The following GPHN variants were observed in gnomAD, a reference collection of about 807,000 sequenced individuals.
GPHN encodes the protein gephyrin.
GPHN carries 17 observed loss-of-function variants against 95.5 expected under a neutral mutation model. The observed-to-expected ratio is 0.18, with a 90% confidence interval of 0.12 to 0.27. The LOEUF (loss-of-function observed/expected upper bound fraction) is 0.27, where lower values mean the gene tolerates loss of function less well. Among genes scored for constraint, GPHN ranks in the 10% least tolerant of loss-of-function variants. The pLI is 1.00. For synonymous variants in GPHN, 320 were observed against 322.5 expected, an observed-to-expected ratio of 0.99 and a Z score of 0.08; for missense variants, 660 against 978.1, an observed-to-expected ratio of 0.67 and a Z score of 4.34.
the GPHN span, chr14:67,204,784 A>G: frequency 3.1e-6 from 5 of 1,613,874 alleles, no homozygotes; most frequent in South Asian, 2.2e-5. Flanking sequence ...CACAGGCTCC[A>G]TGGATGTGAC....
At chr14:67,494,926 A>G in the GPHN span, among the ~76,000 whole-genome samples, 208 of 152,368 alleles carry the variant, frequency 1.4e-3, no homozygotes, top group Non-Finnish European at 1.5e-3. Flanking sequence ...AGTCTGGGCA[A>G]CATAGTGAGA....
At chr14:67,703,185 A>G in the GPHN span, among the ~76,000 whole-genome samples, 3 of 152,290 alleles carry the variant, frequency 2.0e-5, no homozygotes, top group Non-Finnish European at 4.4e-5. Flanking sequence ...TTTATAAAAG[A>G]TAGTTGGATC....
the GPHN span, among the ~76,000 whole-genome samples, chr14:67,208,782 A>G: frequency 6.6e-6 from 1 of 152,064 alleles, no homozygotes; most frequent in Admixed American, 6.6e-5. Flanking sequence ...CTGTAATCCC[A>G]GCTACTCGGG....
the GPHN span, among the ~76,000 whole-genome samples, chr14:67,396,927 A>T: frequency 1.3e-5 from 2 of 151,980 alleles, no homozygotes; most frequent in African/African-American, 4.8e-5. Flanking sequence ...GCCCTTGATA[A>T]ATAATTTATT....
intron 1 of GPHN, among the ~76,000 whole-genome samples, chr14:66,514,153 T>C (rs888600951): frequency 2.6e-5 from 4 of 151,982 alleles, no homozygotes; most frequent in African/African-American, 9.7e-5. Flanking sequence ...TTTTACTTGA[T>C]GGTATTAATT....
Position 67,023,643 on chromosome 14 carries a change from G to C in GPHN, c.974G>C (p.Arg325Thr). 6.2e-7 allele frequency: 1 copy of C among 1,613,392 alleles called. No homozygotes were observed. Among genetic ancestry groups the C allele is most frequent in the Non-Finnish European group, 8.5e-7 (1 of 1,179,470 alleles). Residue 325 changes from arginine (R) to threonine (T), a missense_variant, in exon 10 of 23, where the codon AGG becomes ACG. By Grantham distance (71) the Arg-to-Thr change is moderately conservative. This residue lies in a region of GPHN where 190 missense variants were observed against 224.7 expected (regional missense o/e 0.85). Transcript: ENST00000478722. ...ASCPTPKVQS[R>T]CSSKENILRA... The stretch of plus-strand genomic sequence containing the variant: ...ATGCTCTTTCTACAGGTCCAGTCCA[G>C]GTGCAGCAGCAAGGAGAACATTCTC...
At chr14:67,645,679 C>A in the GPHN span, 1 of 1,613,912 alleles carries the variant, frequency 6.2e-7, no homozygotes, top group Non-Finnish European at 8.5e-7. Flanking sequence ...ATGCCCGACA[C>A]TGCCCAGACC....
At chr14:67,653,590 A>G in the GPHN span, 1 of 1,142,138 alleles carries the variant, frequency 8.8e-7, no homozygotes, top group African/African-American at 1.6e-5. Context: ...ATTAAGGGAT[A>G]TATGTTGAAA....
chr14:67,399,130 G>A, the GPHN span, among the ~76,000 whole-genome samples: 2 of 152,202 alleles, frequency 1.3e-5, no homozygotes, highest in African/African-American at 2.4e-5. Context: ...CAGTCTCCCA[G>A]TGCTAAGGAC....
At chr14:66,722,433 C>CTTTG (rs113721874) in intron 2 of GPHN, among the ~76,000 whole-genome samples, 49,900 of 151,486 alleles carry the variant, frequency 0.33, 12,119 homozygotes, top group African/African-American at 0.66. Flanking sequence ...AATACTAAGG[C>CTTTG]TTTGTTTGTT....
At chr14:67,557,433 G>A in the GPHN span, 9 of 1,609,894 alleles carry the variant, frequency 5.6e-6, no homozygotes, top group South Asian at 1.1e-5. Flanking sequence ...GGGCTCATGC[G>A]CAAGGGAGCA....
At chr14:67,463,788 G>C in the GPHN span, among the ~76,000 whole-genome samples, 8 of 152,108 alleles carry the variant, frequency 5.3e-5, no homozygotes, top group African/African-American at 1.9e-4. Context: ...CTACATCTGA[G>C]CTAAATACAC....
chr14:66,866,207 T>A (rs1414630512), intron 4 of GPHN, among the ~76,000 whole-genome samples: 1 of 152,152 alleles, frequency 6.6e-6, no homozygotes, highest in Admixed American at 6.6e-5. Flanking sequence ...TTAGATTTCC[T>A]GAACTTTTTT....
intron 10 of GPHN, among the ~76,000 whole-genome samples, chr14:67,043,122 G>A (rs1211882287): frequency 6.6e-6 from 1 of 151,650 alleles, no homozygotes; most frequent in African/African-American, 2.4e-5. Context: ...AGCTTAAGGA[G>A]ATTTTGGGCT....
chr14:67,424,834 C>T, the GPHN span, among the ~76,000 whole-genome samples: 1 of 152,164 alleles, frequency 6.6e-6, no homozygotes. Context: ...TGCTTCTACC[C>T]TGTGTCTGGA....
chr14:67,405,953 A>C, the GPHN span, among the ~76,000 whole-genome samples: 1 of 152,118 alleles, frequency 6.6e-6, no homozygotes, highest in Non-Finnish European at 1.5e-5. Flanking sequence ...TGAGATGACA[A>C]ATCTTGTTGT....
chr14:66,535,972 A>G (rs1026139763), intron 1 of GPHN, among the ~76,000 whole-genome samples: 5 of 152,202 alleles, frequency 3.3e-5, no homozygotes, highest in Non-Finnish European at 5.9e-5. Context: ...CAAGGCTTCT[A>G]GAACAATGTT....
intron 2 of GPHN, among the ~76,000 whole-genome samples, chr14:66,691,484 A>T (rs951457375): frequency 6.6e-6 from 1 of 152,130 alleles, no homozygotes; most frequent in African/African-American, 2.4e-5. Flanking sequence ...CACCTGACCC[A>T]TGAACATTTT....
intron 17 of GPHN, among the ~76,000 whole-genome samples, chr14:67,130,514 C>A (rs1163905937): frequency 6.6e-6 from 1 of 151,882 alleles, no homozygotes; most frequent in African/African-American, 2.4e-5. Flanking sequence ...TTATCCAGTC[C>A]ACCATTGAAG....
Sources: gnomAD v4.1 joint callset for allele counts (sites outside exome capture counted in the v4.1 genomes callset) on GRCh38, gnomAD v4.1.1 for gene constraint, gnomAD v4.1.1 regional missense constraint, MANE v1.5 for transcripts, NCBI Gene and HGNC (gene_info 2026-07-23, HGNC 2026-07-21) for gene names.